WWP2: variants seen among roughly 807,000 people sequenced by gnomAD.
WWP2 encodes the protein NEDD4-like E3 ubiquitin-protein ligase WWP2.
Under a neutral mutation model 121.0 loss-of-function variants are expected in WWP2, and 57 were observed. That is an observed-to-expected ratio of 0.47 (90% CI 0.38 to 0.59). The LOEUF (loss-of-function observed/expected upper bound fraction) is 0.59, where lower values mean the gene tolerates loss of function less well. Ranked by LOEUF, WWP2 falls within the 20% of genes least tolerant of loss-of-function variation. WWP2 has a pLI of 0.00. For missense variants in WWP2, 962 were observed against 1,158.9 expected (o/e 0.83, Z 2.47); for synonymous variants, 449 against 441.3 (o/e 1.02, Z -0.22).
chr16:69,785,260 G>A (rs1198462603), intron 1 of WWP2, among the ~76,000 whole-genome samples: 1 of 151,780 alleles, frequency 6.6e-6, no homozygotes, highest in Admixed American at 6.6e-5. Flanking sequence ...AGACAAGGTA[G>A]TAGAGATGAT....
intron 4 of WWP2, among the ~76,000 whole-genome samples, chr16:69,803,876 C>T (rs2056223186): frequency 6.6e-6 from 1 of 152,054 alleles, no homozygotes; most frequent in African/African-American, 2.4e-5. Flanking sequence ...CCACTGCAGT[C>T]CAGCCTGGAT....
intron 11 of WWP2, among the ~76,000 whole-genome samples, chr16:69,926,846 G>A (rs772603134): frequency 1.2e-4 from 18 of 152,148 alleles, no homozygotes; most frequent in Admixed American, 3.3e-4. Flanking sequence ...GGGAAAATGC[G>A]TCAGATTAAA....
Position 69,925,122 on chromosome 16 carries a change from T to C in WWP2, c.1180-308T>C. On this transcript the variant is annotated intron_variant, in intron 10 of 23. Coordinates refer to ENST00000359154, the MANE Select transcript of WWP2 (RefSeq NM_001270454.2). The surrounding 1 kb of genome is among the most constrained non-coding windows in gnomAD (Gnocchi z 4.0). ...CCGGGCCTTCCTACCATGCCAGGGC[T>C]GCTCCCTGCCTCCGCCACCCTGGCA... The C allele has an allele frequency of 8.8e-7, 1 of 1,139,030 alleles. No individual in the cohort carries two copies. Among genetic ancestry groups the C allele is most frequent in the Non-Finnish European group, 1.1e-6 (1 of 926,106 alleles). The allele number at this position is 1,139,030 out of a possible 1,614,324, so 70.6% of individuals were successfully genotyped here. A position where few individuals can be genotyped will look rare whatever the true frequency, so the allele number is the denominator to read the frequency against.
Position 69,917,781 on chromosome 16 carries a change from G to A in WWP2, c.1077G>A (p.Gln359=). 5.0e-6 allele frequency: 8 copies of A among 1,613,982 alleles called. No homozygotes were observed. Among genetic ancestry groups the A allele is most frequent in the Non-Finnish European group, 5.9e-6 (7 of 1,179,798 alleles). ...ACAATACTCGGACCACCACCTGGCA[G>A]CGTCCGACCGCGGAGTACGTGCGCA... The part of the protein sequence containing the change: ...VDHNTRTTTW[Q]RPTAEYVRNY... The change falls in exon 10 of 24, where the codon CAG becomes CAA. Residue 359 remains glutamine (Q), a synonymous_variant. Transcript: ENST00000359154.
intron 9 of WWP2, among the ~76,000 whole-genome samples, chr16:69,911,009 G>GGA (rs1243576384): frequency 6.6e-6 from 1 of 152,134 alleles, no homozygotes; most frequent in African/African-American, 2.4e-5. Context: ...TAATCACAGG[G>GGA]GATCCAGAGA....
intron 6 of WWP2, among the ~76,000 whole-genome samples, chr16:69,860,840 TA>T (rs11464525): frequency 8.8e-4 from 127 of 144,838 alleles, no homozygotes; most frequent in Non-Finnish European, 1.1e-3. Context: ...GATCTCTAGT[TA>T]AAAAAAAAAA....
rs1045373180 is a variant in WWP2 at position 69,840,209 on chromosome 16, G to C, written c.424G>C (p.Asp142His). The change falls in exon 5 of 24, where the codon GAC becomes CAC. Residue 142 changes from aspartate (D) to histidine (H), a missense_variant. This residue lies in a region of WWP2 where 145 missense variants were observed against 189.8 expected (regional missense o/e 0.76). Coordinates refer to ENST00000359154, the MANE Select transcript of WWP2 (RefSeq NM_001270454.2). Reference protein sequence around the residue: ...VSGGELTIFLDGPTVDLGNVP... With the variant: ...VSGGELTIFLHGPTVDLGNVP... ...AGGCGGAGAGCTGACAATTTTCCTG[G>C]ACGGGCCAACTGTTGATCTGGGAAA... The C allele has an allele frequency of 6.2e-7, 1 of 1,614,104 alleles. No homozygotes were observed. The highest frequency in any genetic ancestry group is 1.3e-5 in the African/African-American group (1 of 74,938).
intron 6 of WWP2, among the ~76,000 whole-genome samples, chr16:69,866,760 C>T (rs1224412041): frequency 1.3e-5 from 2 of 151,996 alleles, no homozygotes; most frequent in Admixed American, 6.6e-5. Flanking sequence ...TGTCTACCTG[C>T]GTGTGCAAAT....
In WWP2 at chr16:69,940,163, G is replaced by A; in HGVS notation, c.*223G>A. ...GGAATAAAGCCCCCTAGTTGCCTTT[G>A]GCCCCACCTTTGCAAAGTTCCAGAG... On this transcript the variant is annotated 3_prime_UTR_variant, in exon 24 of 24. Transcript: ENST00000359154. 1.7e-6 allele frequency: 1 copy of A among 572,194 alleles called. No individual in the cohort carries two copies. 35.4% of individuals were successfully genotyped at this position (572,194 alleles called of 1,614,324 possible).
intron 4 of WWP2, among the ~76,000 whole-genome samples, chr16:69,811,462 T>TA (rs1274225547): frequency 2.6e-5 from 4 of 151,744 alleles, no homozygotes; most frequent in African/African-American, 9.7e-5. Context: ...CTACAAAAAA[T>TA]AAAAAAATAG....
intron 4 of WWP2, among the ~76,000 whole-genome samples, chr16:69,823,570 C>T (rs547697213): frequency 5.8e-4 from 88 of 151,712 alleles, no homozygotes; most frequent in Admixed American, 4.2e-3. Context: ...TGGGTTCAAG[C>T]GATTCTCCTG....
chr16:69,922,441 G>A (rs1040548233), intron 10 of WWP2, among the ~76,000 whole-genome samples: 1 of 152,206 alleles, frequency 6.6e-6, no homozygotes, highest in Admixed American at 6.5e-5. Flanking sequence ...CTGCACCCCA[G>A]ATCTCCCAAC....
At chr16:69,894,404 G>A (rs943164176) in intron 8 of WWP2, among the ~76,000 whole-genome samples, 6 of 152,118 alleles carry the variant, frequency 3.9e-5, no homozygotes. Context: ...GAAATATGCA[G>A]CAGATGAGAC....
intron 8 of WWP2, among the ~76,000 whole-genome samples, chr16:69,900,804 G>A (rs571140670): frequency 5.9e-5 from 9 of 152,246 alleles, no homozygotes; most frequent in Admixed American, 3.9e-4. Flanking sequence ...AATTACAGGC[G>A]TGAGTCACCG....
chr16:69,832,555 T>A (rs546998268), intron 4 of WWP2, among the ~76,000 whole-genome samples: 1 of 152,294 alleles, frequency 6.6e-6, no homozygotes, highest in Admixed American at 6.5e-5. Flanking sequence ...TTTTTAATGT[T>A]TTTTGAGACA....
chr16:69,899,766 A>T (rs1169474344), intron 8 of WWP2, among the ~76,000 whole-genome samples: 7 of 145,004 alleles, frequency 4.8e-5, no homozygotes, highest in African/African-American at 1.5e-4. Flanking sequence ...GTTGTGGTTT[A>T]TAGGCACTGG....
intron 4 of WWP2, among the ~76,000 whole-genome samples, chr16:69,800,667 C>T (rs929553792): frequency 1.3e-5 from 2 of 150,886 alleles, no homozygotes; most frequent in Non-Finnish European, 1.5e-5. Flanking sequence ...CAGGTTCAAG[C>T]GATCCTACCA....
chr16:69,908,959 T>C (rs2058341604), intron 9 of WWP2, 109 bp downstream of exon 9: 2 of 1,541,568 alleles, frequency 1.3e-6, no homozygotes, highest in Admixed American at 4.1e-5. Context: ...ACAGTGACGT[T>C]TATTCCGGGT....
intron 4 of WWP2, among the ~76,000 whole-genome samples, chr16:69,828,842 C>T (rs2056747742): frequency 6.6e-6 from 1 of 152,094 alleles, no homozygotes; most frequent in Non-Finnish European, 1.5e-5. Flanking sequence ...GTTTCACCTT[C>T]CTCTCTATGC....
Sources: allele counts gnomAD v4.1 joint callset (sites outside exome capture counted in the v4.1 genomes callset), GRCh38; gene constraint gnomAD v4.1.1; regional missense constraint gnomAD v4.1.1; non-coding constraint Gnocchi (gnomAD v3.1); transcripts MANE v1.5; gene names NCBI Gene and HGNC (gene_info 2026-07-23, HGNC 2026-07-21).